CPA3: variants seen among roughly 807,000 people sequenced by gnomAD.
CPA3 encodes carboxypeptidase A3, also known as mast cell carboxypeptidase A.
Under a neutral mutation model 55.8 loss-of-function variants are expected in CPA3, and 52 were observed. That is an observed-to-expected ratio of 0.93 (90% CI 0.75 to 1.17). The LOEUF (loss-of-function observed/expected upper bound fraction) is 1.17. Ranked by LOEUF, CPA3 falls within the 50% of genes most tolerant of loss-of-function variation. CPA3 has a pLI of 0.00. For missense variants in CPA3, 547 were observed against 509.1 expected, an observed-to-expected ratio of 1.07 and a Z score of -0.72; for synonymous variants, 179 against 171.2, an observed-to-expected ratio of 1.05 and a Z score of -0.36.
chr3:148,872,261 C>A (rs575379313), intron 3 of CPA3, among the ~76,000 whole-genome samples: 4 of 152,290 alleles, frequency 2.6e-5, no homozygotes, highest in African/African-American at 4.8e-5. Context: ...AGGGAAGGCA[C>A]GTCCATCGGA....
At chr3:148,877,666 A>G (rs77921091) in intron 3 of CPA3, among the ~76,000 whole-genome samples, 3,885 of 152,294 alleles carry the variant, frequency 0.026, 80 homozygotes, top group Middle Eastern at 0.075. Context: ...TTGTTTCAAC[A>G]CTTTGTACCT....
At chr3:148,870,929 C>G (rs868458418) in intron 3 of CPA3, among the ~76,000 whole-genome samples, 1 of 152,244 alleles carries the variant, frequency 6.6e-6, no homozygotes, top group South Asian at 2.1e-4. Context: ...GATGAAGTCT[C>G]GCTCTGTCAC....
intron 8 of CPA3, 70 bp downstream of exon 8, chr3:148,882,665 A>G: frequency 8.5e-7 from 1 of 1,179,076 alleles, no homozygotes; most frequent in African/African-American, 1.5e-5. Flanking sequence ...TAACTAAAAC[A>G]CCTACTTGTT....
intron 10 of CPA3, among the ~76,000 whole-genome samples, chr3:148,890,449 T>C (rs7642547): frequency 0.064 from 9,707 of 152,236 alleles, 1,060 homozygotes; most frequent in African/African-American, 0.22. Context: ...CCACTGATTC[T>C]CAACCCAGTG....
intron 3 of CPA3, chr3:148,870,092 C>CAAAAAAAAA (rs66460704): frequency 1.6e-5 from 1 of 63,502 alleles, no homozygotes; most frequent in Non-Finnish European, 2.9e-5. Flanking sequence ...GACTCCATCT[C>CAAAAAAAAA]AAAAAAAAAA....
chr3:148,896,770 A>T lies in CPA3; in HGVS notation c.*63A>T, dbSNP rs1318415515. 3 of 1,312,166 alleles carry T rather than the reference A, an allele frequency of 2.3e-6. No individual in the cohort carries two copies. The highest frequency in any genetic ancestry group is 3.1e-6 in the Non-Finnish European group (3 of 975,204). The allele number at this position is 1,312,166 out of a possible 1,614,324, so 81.3% of individuals were successfully genotyped here. On this transcript the variant is annotated 3_prime_UTR_variant, in exon 11 of 11. Transcript: ENST00000296046. ...TTTTTGTGCCTTTCATCAGAAAGTC[A>T]ATCTTCAGTTATCCCCAAATGCAGC...
chr3:148,881,711 G>T, intron 7 of CPA3, 79 bp downstream of exon 7: 1 of 712,966 alleles, frequency 1.4e-6, no homozygotes, highest in Middle Eastern at 4.1e-4. Context: ...TTCAGCTTAG[G>T]GTTTAGGTAA....
chr3:148,885,965 G>T, intron 9 of CPA3, 128 bp from the exon 10 acceptor site: 1 of 671,440 alleles, frequency 1.5e-6, no homozygotes, highest in Non-Finnish European at 2.6e-6. Context: ...TGAAACTAAA[G>T]ATCAAGGGAT....
intron 3 of CPA3, among the ~76,000 whole-genome samples, chr3:148,875,315 A>G (rs1216399217): frequency 6.6e-6 from 1 of 152,248 alleles, no homozygotes; most frequent in African/African-American, 2.4e-5. Flanking sequence ...ATGAGAAATG[A>G]GATAAGCCAA....
chr3:148,894,856 A>C (rs1714782149), intron 10 of CPA3, among the ~76,000 whole-genome samples: 1 of 151,958 alleles, frequency 6.6e-6, no homozygotes, highest in Non-Finnish European at 1.5e-5. Flanking sequence ...CTCTTTCTTG[A>C]ATGTCTGATT....
chr3:148,893,702 C>G (rs1714737452), intron 10 of CPA3, among the ~76,000 whole-genome samples: 2 of 152,134 alleles, frequency 1.3e-5, no homozygotes, highest in African/African-American at 2.4e-5. Flanking sequence ...ACAGGAATAA[C>G]CCAGAGAAAC....
chr3:148,877,252 T>C (rs539298179), intron 3 of CPA3, among the ~76,000 whole-genome samples: 27 of 152,316 alleles, frequency 1.8e-4, no homozygotes, highest in South Asian at 1.2e-3. Context: ...TCCCAGCACT[T>C]CAGGAGGCTG....
chr3:148,868,122 C>T (rs1380858297), intron 2 of CPA3, among the ~76,000 whole-genome samples: 4 of 152,050 alleles, frequency 2.6e-5, no homozygotes, highest in African/African-American at 4.8e-5. Context: ...CTCGAACTCC[C>T]GACCTCAGGT....
Position 148,883,941 on chromosome 3 carries a change from T to C in CPA3, c.981+126T>C, listed in dbSNP as rs998970159. On this transcript the variant is annotated intron_variant, in intron 9 of 10. Coordinates refer to ENST00000296046, the MANE Select transcript of CPA3 (RefSeq NM_001870.4). The stretch of plus-strand genomic sequence containing the variant: ...TGTCAAAGAAAAGAACTAATGAAAT[T>C]TGCCTTGAAGTTAAAATCATGATCT... 3.2e-5 allele frequency: 23 copies of C among 711,244 alleles called. 1 individual carries two copies. The highest frequency in any genetic ancestry group is 3.0e-4 in the South Asian group (16 of 53,478). The allele number at this position is 711,244 out of a possible 1,614,324, so 44.1% of individuals were successfully genotyped here.
chr3:148,882,118 C>A (rs1714388952), intron 7 of CPA3, among the ~76,000 whole-genome samples: 1 of 152,130 alleles, frequency 6.6e-6, no homozygotes, highest in Admixed American at 6.5e-5. Context: ...AAATTATTTT[C>A]TGCAAATAAT....
chr3:148,886,145 G>T lies in CPA3; in HGVS notation c.1034G>T (p.Arg345Leu). Residue 345 changes from arginine to leucine, a missense_variant, in exon 10 of 11, where the codon CGC (arginine) becomes CTC (leucine). Physicochemically the swap from Arg to Leu is moderately radical, Grantham distance 102 (BLOSUM62 -2). Transcript: ENST00000296046. ...TDVLSTRYET[R>L]YIYGPIESTI... ...GTTCTATCAACTCGATATGAAACCC[G>T]CTACATCTATGGCCCAATAGAATCA... 3 of 1,613,044 alleles carry T rather than the reference G, an allele frequency of 1.9e-6. No homozygotes were observed. The highest frequency in any genetic ancestry group is 2.5e-6 in the Non-Finnish European group (3 of 1,179,458).
At chr3:148,869,348 A>G (rs867995740) in intron 3 of CPA3, among the ~76,000 whole-genome samples, 1 of 152,150 alleles carries the variant, frequency 6.6e-6, no homozygotes, top group Non-Finnish European at 1.5e-5. Flanking sequence ...GCAGGCATGA[A>G]TGGTTTAGCC....
chr3:148,883,951 G>A, intron 9 of CPA3, 136 bp downstream of exon 9: 1 of 658,956 alleles, frequency 1.5e-6, no homozygotes, highest in South Asian at 1.9e-5. Context: ...TTGCCTTGAA[G>A]TTAAAATCAT....
intron 10 of CPA3, among the ~76,000 whole-genome samples, chr3:148,888,525 G>A (rs564004260): frequency 4.1e-4 from 62 of 152,176 alleles, no homozygotes; most frequent in Admixed American, 2.0e-3. Flanking sequence ...TATGTGAGTG[G>A]ACAAAAAGTA....
Sources: allele counts gnomAD v4.1 joint callset (sites outside exome capture counted in the v4.1 genomes callset), GRCh38; gene constraint gnomAD v4.1.1; transcripts MANE v1.5; gene names NCBI Gene and HGNC (gene_info 2026-07-23, HGNC 2026-07-21).